The following ZFHX3 variants were observed in gnomAD, a reference collection of about 807,000 sequenced individuals.
ZFHX3 encodes zinc finger homeobox 3.
In ZFHX3, 42 loss-of-function variants were observed where a neutral mutation model predicts 279.1. The ratio of observed to expected loss-of-function variants is 0.15; its 90% CI spans 0.12 to 0.19. The LOEUF (loss-of-function observed/expected upper bound fraction) is 0.19, where lower values mean the gene tolerates loss of function less well. Among genes scored for constraint, ZFHX3 ranks in the 10% least tolerant of loss-of-function variants. The pLI is 1.00. For missense variants in ZFHX3, 4,981 were observed against 4,754.0 expected, an observed-to-expected ratio of 1.05 and a Z score of -1.40; for synonymous variants, 2,293 against 1,957.8, an observed-to-expected ratio of 1.17 and a Z score of -4.52.
chr16:73,044,551 G>A (rs966994753), intron 1 of ZFHX3, among the ~76,000 whole-genome samples: 27 of 152,182 alleles, frequency 1.8e-4, no homozygotes, highest in Admixed American at 1.6e-3. Flanking sequence ...TGTAAGTCAA[G>A]GCTAAATCCT....
At chr16:73,564,165 C>T (rs964232153) in intron 2 of ZFHX3, among the ~76,000 whole-genome samples, 1 of 152,110 alleles carries the variant, frequency 6.6e-6, no homozygotes, top group Non-Finnish European at 1.5e-5. Flanking sequence ...GTGTAGAAAA[C>T]ATTTGACCTC....
At chr16:73,132,222 C>T (rs1035015025) in intron 6 of ZFHX3, among the ~76,000 whole-genome samples, 5 of 152,106 alleles carry the variant, frequency 3.3e-5, no homozygotes, top group Non-Finnish European at 7.3e-5. Flanking sequence ...GAGAATGAAG[C>T]TACAGTGAGC....
chr16:73,721,669 G>A (rs74581350), intron 1 of ZFHX3, among the ~76,000 whole-genome samples: 2,235 of 152,274 alleles, frequency 0.015, 62 homozygotes, highest in African/African-American at 0.051. Context: ...CTCCTGCTAT[G>A]GACCCTGGCT....
intron 1 of ZFHX3, among the ~76,000 whole-genome samples, chr16:73,839,326 C>CAAAAAAGAAAAAAAAAAAAA (rs1961233006): frequency 3.3e-5 from 1 of 30,042 alleles, no homozygotes; most frequent in African/African-American, 1.2e-4. Context: ...GACTCCATCT[C>CAAAAAAGAAAAAAAAAAAAA]AAAAAAAAAA....
rs566320813 is a variant in ZFHX3 at position 73,426,254 on chromosome 16, C to T, written c.-1291+29749G>A. On this transcript the variant is annotated intron_variant, in intron 3 of 17. Transcript: ENST00000641206. ...TCTGCATTATATATGGCCAAAAGCA[C>T]CCCTTGGAGTCAGGGAGGACAAAGC... Among the ~76,000 whole-genome samples, 7 of 152,262 alleles carry T rather than the reference C, an allele frequency of 4.6e-5. No homozygotes were observed. The South Asian group carries it at 1.5e-3, about 32-fold the overall frequency.
rs192950965 is a variant in ZFHX3 at position 73,533,040 on chromosome 16, C to T, written c.-1546-76782G>A. On this transcript the variant is annotated intron_variant, in intron 2 of 17. Transcript: ENST00000641206. ...CCCAGTCTTCGGTATTTCATCATAA[C>T]AGCGTGAAAATGGACTAATGCACCA... Among the ~76,000 whole-genome samples, 14 of 152,306 alleles carry T rather than the reference C, an allele frequency of 9.2e-5. No homozygotes were observed. In the East Asian group the frequency reaches 2.3e-3, roughly 25 times the overall value.
rs141620694 is a variant in ZFHX3, at chr16:73,416,132, A to C, written c.-1291+39871T>G. ...AGCAAGACTCCATCTCAAAAAAAAAAAAAAAACAAAAAACGGAAAACAAAC... is the reference window on the plus strand; with the variant it reads ...AGCAAGACTCCATCTCAAAAAAAAACAAAAAACAAAAAACGGAAAACAAAC... On this transcript the variant is annotated intron_variant, in intron 3 of 17. Transcript: ENST00000641206. 7.3e-3 allele frequency among the ~76,000 whole-genome samples: 1,104 copies of C among 151,426 alleles called. 19 individuals are homozygous for C. Among genetic ancestry groups the C allele is most frequent in the African/African-American group, 0.018 (757 of 41,062 alleles).
intron 2 of ZFHX3, among the ~76,000 whole-genome samples, chr16:72,953,368 C>T (rs1197380190): frequency 1.3e-5 from 2 of 151,866 alleles, no homozygotes; most frequent in East Asian, 1.9e-4. Context: ...AGGAAACATA[C>T]TCAGTGTTCA....
At chr16:73,231,591 G>C (rs917736549) in intron 5 of ZFHX3, among the ~76,000 whole-genome samples, 1 of 152,174 alleles carries the variant, frequency 6.6e-6, no homozygotes, top group Non-Finnish European at 1.5e-5. Context: ...TCAATAGTTC[G>C]TTCCAGCTGA....
At chr16:72,881,685 G>A (rs996722650) in intron 4 of ZFHX3, among the ~76,000 whole-genome samples, 1 of 152,164 alleles carries the variant, frequency 6.6e-6, no homozygotes, top group Non-Finnish European at 1.5e-5. Context: ...GCTAGGATAG[G>A]GGATCCATAT....
chr16:73,820,854 G>C (rs187439495), intron 1 of ZFHX3, among the ~76,000 whole-genome samples: 3 of 151,664 alleles, frequency 2.0e-5, no homozygotes, highest in South Asian at 4.2e-4. Context: ...CAATAACCTG[G>C]TAGTAGAACA....
intron 3 of ZFHX3, among the ~76,000 whole-genome samples, chr16:72,939,033 C>T (rs906558867): frequency 6.6e-6 from 1 of 152,190 alleles, no homozygotes; most frequent in South Asian, 2.1e-4. Context: ...CTGGGACCCG[C>T]GCCACTTGGC....
At chr16:73,349,137 TTGTGTC>T in intron 3 of ZFHX3, among the ~76,000 whole-genome samples, 1 of 152,152 alleles carries the variant, frequency 6.6e-6, no homozygotes, top group Non-Finnish European at 1.5e-5. Flanking sequence ...GAGGGATCTC[TTGTGTC>T]TTCCTGCTAC....
At chr16:72,948,281 TTTCAGGATCTCTCC>T (rs1244483464) in intron 3 of ZFHX3, among the ~76,000 whole-genome samples, 23 of 152,276 alleles carry the variant, frequency 1.5e-4, no homozygotes, top group African/African-American at 5.5e-4. Flanking sequence ...AGATGCACCA[TTTCAGGATCTCTCC>T]TTCAGGTGCT....
chr16:73,284,898 A>G (rs1333336957), intron 4 of ZFHX3, among the ~76,000 whole-genome samples: 1 of 152,112 alleles, frequency 6.6e-6, no homozygotes, highest in Non-Finnish European at 1.5e-5. Context: ...GCTGGAGAGC[A>G]CTGGTGTGAT....
chr16:72,785,024 T>C lies in ZFHX3; in HGVS notation c.*2140A>G, dbSNP rs1567501454. 1.3e-5 allele frequency: 2 copies of C among 152,632 alleles called. No homozygotes were observed. Among genetic ancestry groups the C allele is most frequent in the Admixed American group, 6.5e-5 (1 of 15,278 alleles). The allele number at this position is 152,632 out of a possible 1,614,324, so 9.5% of individuals were successfully genotyped here. ...GGAAAGAAGCCCGAAAGGTGACCAATGGAACCTGTATTCACAGTCTTCAAA... is the reference window on the plus strand; with the variant it reads ...GGAAAGAAGCCCGAAAGGTGACCAACGGAACCTGTATTCACAGTCTTCAAA... On this transcript the variant is annotated 3_prime_UTR_variant, in exon 10 of 10. Transcript: ENST00000268489.
chr16:73,318,631 C>A (rs570468400), intron 3 of ZFHX3, among the ~76,000 whole-genome samples: 52 of 152,120 alleles, frequency 3.4e-4, no homozygotes, highest in Non-Finnish European at 5.4e-4. Flanking sequence ...AATTAAGAAA[C>A]CTCAAAGTAA....
intron 2 of ZFHX3, among the ~76,000 whole-genome samples, chr16:73,638,256 G>A (rs145857663): frequency 0.016 from 2,438 of 152,220 alleles, 51 homozygotes; most frequent in Non-Finnish European, 0.022. Flanking sequence ...GAAATTAATC[G>A]AGGATTGATT....
chr16:73,580,315 T>C (rs1172506139), intron 2 of ZFHX3, among the ~76,000 whole-genome samples: 1 of 151,784 alleles, frequency 6.6e-6, no homozygotes, highest in African/African-American at 2.4e-5. Flanking sequence ...CCATCTCTAC[T>C]AAAAATACAA....
Sources: gnomAD v4.1 joint callset for allele counts (sites outside exome capture counted in the v4.1 genomes callset) on GRCh38, gnomAD v4.1.1 for gene constraint, MANE v1.5 for transcripts, NCBI Gene and HGNC (gene_info 2026-07-23, HGNC 2026-07-21) for gene names.